COL24A1: variants seen among roughly 807,000 people sequenced by gnomAD.
COL24A1 encodes collagen alpha-1(XXIV) chain.
In COL24A1, 224 loss-of-function variants were observed where a neutral mutation model predicts 253.9. The observed-to-expected ratio is 0.88, with a 90% confidence interval of 0.79 to 0.99. The LOEUF is 0.99. Among genes scored for constraint, COL24A1 ranks in the 50% least tolerant of loss-of-function variants. COL24A1 has a pLI of 0.00. For missense variants in COL24A1, 2,131 were observed against 2,068.5 expected, an observed-to-expected ratio of 1.03 and a Z score of -0.59; for synonymous variants, 685 against 673.7, an observed-to-expected ratio of 1.02 and a Z score of -0.26.
At chr1:86,008,241 T>C (rs1053051276) in intron 19 of COL24A1, among the ~76,000 whole-genome samples, 3 of 152,130 alleles carry the variant, frequency 2.0e-5, no homozygotes, top group Non-Finnish European at 4.4e-5. Flanking sequence ...CAAGAAAATA[T>C]TAATGGATAT....
chr1:85,996,767 C>T (rs1404358858), intron 19 of COL24A1, among the ~76,000 whole-genome samples: 1 of 151,962 alleles, frequency 6.6e-6, no homozygotes, highest in Admixed American at 6.6e-5. Context: ...AAAAAGATTC[C>T]TTGGTTTCAT....
chr1:85,999,841 G>A (rs1695231253), intron 19 of COL24A1, among the ~76,000 whole-genome samples: 1 of 152,074 alleles, frequency 6.6e-6, no homozygotes, highest in East Asian at 1.9e-4. Context: ...GGAGATGAGA[G>A]GGGGGTCTCA....
chr1:85,862,066 T>C (rs1679215645), intron 37 of COL24A1, among the ~76,000 whole-genome samples: 2 of 152,318 alleles, frequency 1.3e-5, no homozygotes, highest in South Asian at 2.1e-4. Flanking sequence ...CTAGCTGATA[T>C]ATGTTCTCTA....
rs1237085822 is a variant in COL24A1 at position 85,847,790 on chromosome 1, A to G, written c.3355-18T>C. 38 of 1,562,010 alleles carry G rather than the reference A, an allele frequency of 2.4e-5. No individual in the cohort carries two copies. The highest frequency in any genetic ancestry group is 3.1e-5 in the Non-Finnish European group (35 of 1,136,866). ...TTATCACCCTGTGGATGACATTATT[A>G]AGAGAGAAAAGCAAGAAAAAAATTT... On this transcript the variant is annotated intron_variant, in intron 38 of 59. Coordinates refer to ENST00000370571, the MANE Select transcript of COL24A1 (RefSeq NM_152890.7).
Position 86,026,647 on chromosome 1 carries a change from G to A in COL24A1, c.2050-3640C>T, listed in dbSNP as rs146002413. On this transcript the variant is annotated intron_variant, in intron 14 of 59. Transcript: ENST00000370571. ...TTTCCTTTATAAATTACCCAGTCTC[G>A]GATATTTCTTCACAGTGGTGTGAGA... Among the ~76,000 whole-genome samples, 26 of 152,206 alleles carry A rather than the reference G, an allele frequency of 1.7e-4. No individual in the cohort carries two copies. In the East Asian group the frequency reaches 2.3e-3, roughly 14 times the overall value.
chr1:85,982,061 T>C (rs558441503), intron 20 of COL24A1, among the ~76,000 whole-genome samples: 10 of 152,260 alleles, frequency 6.6e-5, no homozygotes, highest in African/African-American at 2.2e-4. Context: ...ATGTGGTATA[T>C]ACAAACAATG....
chr1:85,826,198 T>G (rs995926191), intron 43 of COL24A1, among the ~76,000 whole-genome samples: 9 of 140,350 alleles, frequency 6.4e-5, no homozygotes, highest in Admixed American at 4.4e-4. Context: ...TCCCCATTGC[T>G]TGTTTTTCTC....
At position 85,761,536 on chromosome 1, in the gene COL24A1, GC is replaced by G; in HGVS notation, c.4404del (p.Pro1469LeufsTer23). 6.2e-7 allele frequency: 1 copy of G among 1,614,058 alleles called. No individual in the cohort carries two copies. Among genetic ancestry groups the G allele is most frequent in the Non-Finnish European group, 8.5e-7 (1 of 1,179,966 alleles). On this transcript the variant is annotated frameshift_variant, in exon 54 of 60. Transcript: ENST00000370571. LOFTEE classifies it high-confidence loss of function. The part of the protein sequence containing the change: ...TGPQGPRGQP[G>X]PPGPPGAPGP... ...ATAAATGAAAACCAACTCACTGGAGGCCCTGGTTGACCTCTTGGTCCTTGAG... is the reference window on the plus strand; with the variant it reads ...ATAAATGAAAACCAACTCACTGGAGGCCTGGTTGACCTCTTGGTCCTTGAG...
intron 20 of COL24A1, among the ~76,000 whole-genome samples, chr1:85,980,367 T>C (rs1364113328): frequency 6.6e-6 from 1 of 152,006 alleles, no homozygotes; most frequent in African/African-American, 2.4e-5. Flanking sequence ...AAATAAAGAA[T>C]CGGTAAAGAG....
chr1:86,001,203 TAAG>T (rs1695375560), intron 19 of COL24A1, among the ~76,000 whole-genome samples: 3 of 152,166 alleles, frequency 2.0e-5, no homozygotes, highest in African/African-American at 7.2e-5. Context: ...AGTAAAACAT[TAAG>T]AAGAGAAAAA....
intron 2 of COL24A1, among the ~76,000 whole-genome samples, chr1:86,145,422 C>G (rs907361344): frequency 6.6e-6 from 1 of 152,134 alleles, no homozygotes; most frequent in African/African-American, 2.4e-5. Flanking sequence ...GGATTTGTCT[C>G]TTTGACTTTG....
chr1:85,846,663 T>C (rs1677174836), intron 39 of COL24A1, among the ~76,000 whole-genome samples: 1 of 151,954 alleles, frequency 6.6e-6, no homozygotes, highest in South Asian at 2.1e-4. Context: ...CTTATCAGAT[T>C]GGCAAACATC....
chr1:85,982,624 G>GA (rs1013535166), intron 20 of COL24A1, among the ~76,000 whole-genome samples: 6 of 151,470 alleles, frequency 4.0e-5, no homozygotes, highest in African/African-American at 7.3e-5. Flanking sequence ...TATTTTCTCA[G>GA]AAAAATGATC....
intron 20 of COL24A1, among the ~76,000 whole-genome samples, chr1:85,984,850 A>G (rs1693577933): frequency 1.3e-5 from 2 of 151,856 alleles, no homozygotes; most frequent in South Asian, 4.1e-4. Flanking sequence ...GTTCAATGAC[A>G]TCAGCAACCC....
intron 20 of COL24A1, among the ~76,000 whole-genome samples, chr1:85,977,312 GT>G (rs1320579302): frequency 6.6e-6 from 1 of 152,042 alleles, no homozygotes; most frequent in Non-Finnish European, 1.5e-5. Context: ...ACAAAATAAG[GT>G]TCTATTACAC....
At chr1:85,777,142 G>A (rs575677561) in intron 52 of COL24A1, among the ~76,000 whole-genome samples, 72 of 151,838 alleles carry the variant, frequency 4.7e-4, no homozygotes, top group Admixed American at 1.5e-3. Flanking sequence ...TAGAGATGGC[G>A]TTTCACCATG....
At chr1:85,804,222 A>C (rs905512284) in intron 47 of COL24A1, among the ~76,000 whole-genome samples, 1 of 152,220 alleles carries the variant, frequency 6.6e-6, no homozygotes, top group Non-Finnish European at 1.5e-5. Context: ...GGAGTGGTCT[A>C]TAAAAACAAA....
At chr1:85,853,439 G>A (rs942855370) in intron 37 of COL24A1, among the ~76,000 whole-genome samples, 11 of 152,258 alleles carry the variant, frequency 7.2e-5, no homozygotes, top group South Asian at 2.1e-4. Context: ...AGATAAATGC[G>A]CATGCATCTT....
chr1:85,874,535 T>A (rs896129827), intron 35 of COL24A1, 114 bp downstream of exon 35: 1 of 881,196 alleles, frequency 1.1e-6, no homozygotes, highest in Non-Finnish European at 1.7e-6. Flanking sequence ...AAACATTTTC[T>A]ATAATGTATC....
Sources: gnomAD v4.1 joint callset for allele counts (sites outside exome capture counted in the v4.1 genomes callset) on GRCh38, gnomAD v4.1.1 for gene constraint, MANE v1.5 for transcripts, NCBI Gene and HGNC (gene_info 2026-07-23, HGNC 2026-07-21) for gene names.